Variants in SIM2 observed in about 807,000 individuals in gnomAD.
SIM2 encodes single-minded homolog 2.
Under a neutral mutation model 64.8 loss-of-function variants are expected in SIM2, and 28 were observed. The ratio of observed to expected loss-of-function variants is 0.43; its 90% CI spans 0.32 to 0.59. The LOEUF (loss-of-function observed/expected upper bound fraction) is 0.59, where lower values mean the gene tolerates loss of function less well. Ranked by LOEUF, SIM2 falls within the 20% of genes least tolerant of loss-of-function variation. SIM2 has a pLI of 0.07. For synonymous variants in SIM2, 408 were observed against 391.1 expected (o/e 1.04, Z -0.51); for missense variants, 847 against 871.4 (o/e 0.97, Z 0.35).
intron 9 of SIM2, 72 bp downstream of exon 9, chr21:36,743,627 A>T (rs2089192593): frequency 1.5e-5 from 20 of 1,379,218 alleles, no homozygotes; most frequent in Admixed American, 2.0e-5. Context: ...GGACACATTA[A>T]GGAATGGGGA....
At position 36,702,939 on chromosome 21, in the gene SIM2, G is replaced by GAAAAAAAAA. The variant is rs141068741; in HGVS notation, c.175+3020_175+3021insAAAAAAAAA. Among the ~76,000 whole-genome samples the GAAAAAAAAA allele has an allele frequency of 3.8e-5, 5 of 131,112 alleles. 1 individual carries two copies. The highest frequency in any genetic ancestry group is 7.3e-5 in the Admixed American group (1 of 13,634). The allele number at this position is 131,112 out of a possible 152,430, so 86.0% of individuals were successfully genotyped here. A position where few individuals can be genotyped will look rare whatever the true frequency, so the allele number is the denominator to read the frequency against. The stretch of plus-strand genomic sequence containing the variant: ...AGAGACCAGCTTAGGACTCTGGGAG[G>GAAAAAAAAA]AAGAAAAAAAAAAAAAGAATAGCAT... On this transcript the variant is annotated intron_variant, in intron 1 of 10. Transcript: ENST00000290399.
chr21:36,709,317 C>T (rs560214678), intron 2 of SIM2, 67 bp downstream of exon 2: 4 of 1,311,982 alleles, frequency 3.0e-6, no homozygotes, highest in African/African-American at 2.9e-5. Context: ...GCCACCCCAG[C>T]CTCCAGGCGT....
rs1386780497 is a variant in SIM2, at chr21:36,699,205, G to A, written c.-542G>A. The A allele has an allele frequency of 6.6e-6, 1 of 151,830 alleles. No homozygotes were observed. Among genetic ancestry groups the A allele is most frequent in the African/African-American group, 2.4e-5 (1 of 41,364 alleles). 9.4% of individuals were successfully genotyped at this position (151,830 alleles called of 1,614,324 possible). A position where few individuals can be genotyped will look rare whatever the true frequency, so the allele number is the denominator to read the frequency against. Reference sequence around the variant, plus strand: ...CTCCGGCGCTGCGTCTCCAGGCACAGGGAGCCGCCAGGAAGGGCAGGAGAG... The same window carrying A: ...CTCCGGCGCTGCGTCTCCAGGCACAAGGAGCCGCCAGGAAGGGCAGGAGAG... On this transcript the variant is annotated 5_prime_UTR_variant, in exon 1 of 11. Coordinates refer to ENST00000290399, the MANE Select transcript of SIM2 (RefSeq NM_005069.6). The surrounding 1 kb of genome is among the most constrained non-coding windows in gnomAD (Gnocchi z 5.6).
rs2123497092 is a variant in SIM2, at chr21:36,740,301, G to T, written c.851-1416G>T. Among the ~76,000 whole-genome samples the T allele has an allele frequency of 2.0e-5, 3 of 152,208 alleles. No individual in the cohort carries two copies. In the Middle Eastern group the frequency reaches 0.01, roughly 518 times the overall value. On this transcript the variant is annotated intron_variant, in intron 7 of 10. Coordinates refer to ENST00000290399, the MANE Select transcript of SIM2 (RefSeq NM_005069.6). ...TCATTTGTTTTTGGACTCTGTGGAT[G>T]TGCCTATTCTGGAAGTTTCATGTAA...
chr21:36,702,902 G>A (rs1349788192), intron 1 of SIM2, among the ~76,000 whole-genome samples: 1 of 142,064 alleles, frequency 7.0e-6, no homozygotes, highest in Non-Finnish European at 1.5e-5. Flanking sequence ...GGATTGCTGG[G>A]GTAAAGAATC....
At chr21:36,719,754 C>A in intron 3 of SIM2, 67 bp from the exon 4 acceptor site, 1 of 925,000 alleles carries the variant, frequency 1.1e-6, no homozygotes, top group Non-Finnish European at 1.8e-6. Context: ...TGTGACACAC[C>A]TTGCCCCTCC....
At chr21:36,731,394 C>T (rs1458099894) in intron 7 of SIM2, among the ~76,000 whole-genome samples, 1 of 152,124 alleles carries the variant, frequency 6.6e-6, no homozygotes, top group East Asian at 1.9e-4. Flanking sequence ...CAGGAAGTTG[C>T]CTGGATTCTA....
At chr21:36,744,646 G>A in intron 9 of SIM2, 82 bp from the exon 10 acceptor site, 3 of 1,479,630 alleles carry the variant, frequency 2.0e-6, no homozygotes, top group South Asian at 1.4e-5. Flanking sequence ...GTTGGGCCCC[G>A]TCGGGACGGT....
chr21:36,730,103 G>A (rs879500854), intron 6 of SIM2, among the ~76,000 whole-genome samples: 16 of 152,080 alleles, frequency 1.1e-4, no homozygotes, highest in Non-Finnish European at 2.1e-4. Flanking sequence ...CAGTTATTCC[G>A]TAATTCCCAA....
chr21:36,735,005 G>C (rs7281117), intron 7 of SIM2, among the ~76,000 whole-genome samples: 59,268 of 152,086 alleles, frequency 0.39, 12,113 homozygotes, highest in Middle Eastern at 0.49. Context: ...CAGGGGAGGA[G>C]TGAGCCAGAG....
intron 3 of SIM2, among the ~76,000 whole-genome samples, chr21:36,714,007 T>C (rs1283897607): frequency 6.6e-6 from 1 of 152,282 alleles, no homozygotes; most frequent in Non-Finnish European, 1.5e-5. Context: ...GAACTACTGT[T>C]GGGAACAGGA....
chr21:36,717,739 C>G (rs1433089469), intron 3 of SIM2, among the ~76,000 whole-genome samples: 1 of 152,166 alleles, frequency 6.6e-6, no homozygotes, highest in Non-Finnish European at 1.5e-5. Context: ...TAAGCCAACT[C>G]TCTTAGTTTT....
chr21:36,748,168 A>G lies in SIM2; in HGVS notation c.*76A>G. The stretch of plus-strand genomic sequence containing the variant: ...GCGCCACCGAGCCCGGCAAATGCGC[A>G]CGACCTACATTAATTTATGCAGAGA... On this transcript the variant is annotated 3_prime_UTR_variant, in exon 11 of 11. Transcript: ENST00000290399. The G allele has an allele frequency of 1.6e-6, 1 of 637,720 alleles. No individual in the cohort carries two copies. The highest frequency in any genetic ancestry group is 2.0e-6 in the Non-Finnish European group (1 of 488,584). The allele number at this position is 637,720 out of a possible 1,614,324, so 39.5% of individuals were successfully genotyped here.
Position 36,701,852 on chromosome 21 carries a change from C to G in SIM2, c.175+1931C>G, listed in dbSNP as rs1264487816. On this transcript the variant is annotated intron_variant, in intron 1 of 10. Transcript: ENST00000290399. ...TTGCTGGGAAGAGCCGTTCCTTAAC[C>G]GCATGCAACAAAGCAGGTGTGGAAT... Among the ~76,000 whole-genome samples the G allele has an allele frequency of 5.9e-5, 9 of 152,184 alleles. No individual in the cohort carries two copies. In the East Asian group the frequency reaches 1.7e-3, roughly 29 times the overall value.
At chr21:36,721,761 T>C (rs2088825122) in intron 4 of SIM2, among the ~76,000 whole-genome samples, 1 of 152,128 alleles carries the variant, frequency 6.6e-6, no homozygotes, top group Non-Finnish European at 1.5e-5. Context: ...ATGTTAACTG[T>C]ATGGGACTGG....
chr21:36,733,279 C>T (rs2088996003), intron 7 of SIM2, among the ~76,000 whole-genome samples: 2 of 152,098 alleles, frequency 1.3e-5, no homozygotes, highest in Admixed American at 1.3e-4. Context: ...GGCTGGAGTG[C>T]AGTGGCATGA....
intron 7 of SIM2, among the ~76,000 whole-genome samples, chr21:36,739,750 T>C (rs1159960101): frequency 6.6e-6 from 1 of 152,142 alleles, no homozygotes; most frequent in Non-Finnish European, 1.5e-5. Flanking sequence ...CCAGGCGCCG[T>C]GGCTCACACC....
rs1026818032 is a variant in SIM2 at position 36,745,314 on chromosome 21, G to T, written c.1576+178G>T. ...CTTGCTCTCAATGCAGGTGCTCCTC[G>T]AGAGTGAGAAATGGCAGTCTGCCTG... On this transcript the variant is annotated intron_variant, in intron 10 of 10. Coordinates refer to ENST00000290399, the MANE Select transcript of SIM2 (RefSeq NM_005069.6). The surrounding 1 kb of genome is among the most constrained non-coding windows in gnomAD (Gnocchi z 4.8). The T allele has an allele frequency of 6.2e-5, 90 of 1,446,378 alleles. No homozygotes were observed. Among genetic ancestry groups the T allele is most frequent in the Non-Finnish European group, 4.6e-6 (5 of 1,095,834 alleles). The allele number at this position is 1,446,378 out of a possible 1,614,324, so 89.6% of individuals were successfully genotyped here.
At position 36,745,708 on chromosome 21, in the gene SIM2, C is replaced by A; in HGVS notation, c.1576+572C>A. ...GGGGTGAAGCTGTGATGTGCCTACT[C>A]CCAAGGACACGACACACAGTAGGGA... On this transcript the variant is annotated intron_variant, in intron 10 of 10. Transcript: ENST00000290399. The surrounding 1 kb of genome is among the most constrained non-coding windows in gnomAD (Gnocchi z 4.8). The A allele has an allele frequency of 7.9e-7, 1 of 1,261,226 alleles. No individual in the cohort carries two copies. The highest frequency in any genetic ancestry group is 1.0e-6 in the Non-Finnish European group (1 of 957,832). 78.1% of individuals were successfully genotyped at this position (1,261,226 alleles called of 1,614,324 possible).
Sources: allele counts gnomAD v4.1 joint callset (sites outside exome capture counted in the v4.1 genomes callset), GRCh38; gene constraint gnomAD v4.1.1; non-coding constraint Gnocchi (gnomAD v3.1); transcripts MANE v1.5; gene names NCBI Gene and HGNC (gene_info 2026-07-23, HGNC 2026-07-21).